Variants in MAP7 observed in about 807,000 individuals in gnomAD.
The protein encoded by MAP7 is ensconsin.
MAP7 carries 52 observed loss-of-function variants against 94.8 expected under a neutral mutation model. That is an observed-to-expected ratio of 0.55 (90% confidence interval 0.44 to 0.69). The LOEUF (loss-of-function observed/expected upper bound fraction) is 0.69. MAP7 is among the 30% of genes least tolerant of loss of function. The pLI, the probability that MAP7 is intolerant of heterozygous loss-of-function variation, is 0.00. For missense variants in MAP7, 940 were observed against 964.6 expected (o/e 0.97, Z 0.34); for synonymous variants, 350 against 357.0 (o/e 0.98, Z 0.22).
At chr6:136,475,810 T>C (rs1810691418) in intron 1 of MAP7, 1 of 152,140 alleles carries the variant, frequency 6.6e-6, no homozygotes, top group East Asian at 1.9e-4. Context: ...AGAGAGAACA[T>C]GAAAATCAGC....
At chr6:136,434,600 T>G (rs1008276980) in intron 1 of MAP7, among the ~76,000 whole-genome samples, 2 of 136,856 alleles carry the variant, frequency 1.5e-5, no homozygotes, top group Non-Finnish European at 3.0e-5. Flanking sequence ...GGCAAGGAAT[T>G]TTTTTTTTTT....
chr6:136,354,165 G>T, intron 16 of MAP7, among the ~76,000 whole-genome samples: 1 of 136,026 alleles, frequency 7.4e-6, no homozygotes, highest in African/African-American at 2.9e-5. Flanking sequence ...ATAAAAATAT[G>T]TATCTACTAT....
intron 1 of MAP7, among the ~76,000 whole-genome samples, chr6:136,435,085 C>T (rs1428519920): frequency 6.6e-6 from 1 of 152,156 alleles, no homozygotes; most frequent in Non-Finnish European, 1.5e-5. Context: ...CTTCTAAATA[C>T]TTTTAGAATG....
At chr6:136,540,160 G>T (rs1209235787) in intron 1 of MAP7, among the ~76,000 whole-genome samples, 1 of 152,162 alleles carries the variant, frequency 6.6e-6, no homozygotes, top group African/African-American at 2.4e-5. Flanking sequence ...AACAAGAGAG[G>T]TGAAGGAAAG....
intron 1 of MAP7, among the ~76,000 whole-genome samples, chr6:136,435,750 G>T (rs754022353): frequency 4.6e-5 from 7 of 152,186 alleles, no homozygotes; most frequent in Non-Finnish European, 7.4e-5. Flanking sequence ...ATTATAGTTG[G>T]CTGAGGACAG....
At chr6:136,362,900 G>A (rs73559036) in intron 10 of MAP7, among the ~76,000 whole-genome samples, 198 bp from the exon 11 acceptor site, 1,548 of 152,266 alleles carry the variant, frequency 0.01, 21 homozygotes, top group East Asian at 0.039. Context: ...GTATGTGTAA[G>A]TAAGACATCC....
At chr6:136,432,401 A>G (rs895939188) in intron 1 of MAP7, among the ~76,000 whole-genome samples, 1 of 152,206 alleles carries the variant, frequency 6.6e-6, no homozygotes, top group African/African-American at 2.4e-5. Flanking sequence ...GCAGCTTTAG[A>G]TTTGAAAATA....
intron 8 of MAP7, among the ~76,000 whole-genome samples, chr6:136,368,047 A>T (rs867274860): frequency 6.6e-6 from 1 of 152,156 alleles, no homozygotes; most frequent in Middle Eastern, 3.2e-3. Context: ...GAATGAACCT[A>T]TATAAAGGTA....
chr6:136,485,544 T>C (rs1814368655), intron 1 of MAP7, among the ~76,000 whole-genome samples: 1 of 150,498 alleles, frequency 6.6e-6, no homozygotes, highest in Non-Finnish European at 1.5e-5. Flanking sequence ...TAATGATCAA[T>C]TCCACTTCAG....
intron 1 of MAP7, among the ~76,000 whole-genome samples, chr6:136,423,366 T>C (rs1465857428): frequency 6.6e-6 from 1 of 152,214 alleles, no homozygotes; most frequent in African/African-American, 2.4e-5. Flanking sequence ...GTTCATTGCC[T>C]GGCCCACAGC....
intron 16 of MAP7, among the ~76,000 whole-genome samples, chr6:136,354,109 T>C (rs1582643809): frequency 1.6e-5 from 1 of 61,144 alleles, no homozygotes; most frequent in Non-Finnish European, 3.4e-5. Context: ...GAATCTACTA[T>C]ATATATATAT....
At chr6:136,492,804 G>A (rs1199723731) in intron 1 of MAP7, among the ~76,000 whole-genome samples, 3 of 152,008 alleles carry the variant, frequency 2.0e-5, no homozygotes, top group African/African-American at 7.3e-5. Context: ...ATTCTCAGGA[G>A]CAAAGGCAGT....
intron 1 of MAP7, among the ~76,000 whole-genome samples, chr6:136,544,203 T>G (rs1829548083): frequency 6.6e-6 from 1 of 152,240 alleles, no homozygotes; most frequent in Admixed American, 6.5e-5. Context: ...ATTACAGGCA[T>G]GAGCCACCGC....
At chr6:136,493,707 A>G (rs367600259) in intron 1 of MAP7, among the ~76,000 whole-genome samples, 1 of 152,350 alleles carries the variant, frequency 6.6e-6, no homozygotes, top group African/African-American at 2.4e-5. Flanking sequence ...AAACATGTTG[A>G]AAAACCCATA....
At chr6:136,537,036 G>T (rs376668099) in intron 1 of MAP7, among the ~76,000 whole-genome samples, 1 of 152,112 alleles carries the variant, frequency 6.6e-6, no homozygotes, top group Non-Finnish European at 1.5e-5. Context: ...GCTACTGTGG[G>T]TGTCATTAAT....
intron 6 of MAP7, among the ~76,000 whole-genome samples, chr6:136,382,472 G>C (rs1778070249): frequency 6.6e-6 from 1 of 152,038 alleles, no homozygotes; most frequent in South Asian, 2.1e-4. Flanking sequence ...TATATTTAGG[G>C]AATAGGTTTG....
Position 136,426,474 on chromosome 6 carries a change from A to G in MAP7, c.68-4675T>C, listed in dbSNP as rs74459664. Among the ~76,000 whole-genome samples, 122 of 152,358 alleles carry G rather than the reference A, an allele frequency of 8.0e-4. 2 individuals carry two copies. The East Asian group carries it at 0.021, about 26-fold the overall frequency. On this transcript the variant is annotated intron_variant, in intron 1 of 17. Transcript: ENST00000354570. ...ACAATAGACCGATTCAATTTTCTAA[A>G]AAATCCATAAACCCACAGAGGTTTA...
At chr6:136,523,061 GA>G (rs914792435) in intron 1 of MAP7, among the ~76,000 whole-genome samples, 5 of 150,712 alleles carry the variant, frequency 3.3e-5, no homozygotes, top group East Asian at 1.9e-4. Flanking sequence ...ATAAAAAGGA[GA>G]AAAAAAAATT....
intron 8 of MAP7, among the ~76,000 whole-genome samples, chr6:136,367,522 C>T (rs1582693211): frequency 1.3e-5 from 2 of 152,156 alleles, no homozygotes; most frequent in Non-Finnish European, 2.9e-5. Flanking sequence ...TAATTGCTTC[C>T]CTCCATTTTC....
Sources: allele counts gnomAD v4.1 joint callset (sites outside exome capture counted in the v4.1 genomes callset), GRCh38; gene constraint gnomAD v4.1.1; transcripts MANE v1.5; gene names NCBI Gene and HGNC (gene_info 2026-07-23, HGNC 2026-07-21).